The following MUC5AC variants were observed in gnomAD, a reference collection of about 807,000 sequenced individuals.
MUC5AC encodes the protein mucin-5AC.
MUC5AC carries 158 observed loss-of-function variants against 169.7 expected under a neutral mutation model. The observed-to-expected ratio is 0.93, with a 90% CI of 0.82 to 1.06. MUC5AC has a LOEUF of 1.06. Among genes scored for constraint, MUC5AC ranks in the 50% least tolerant of loss-of-function variants. The pLI is 0.00. For missense variants in MUC5AC, 4,359 were observed against 3,089.9 expected (o/e 1.41, Z -9.74); for synonymous variants, 1,975 against 1,237.0 (o/e 1.60, Z -12.52).
Position 1,178,541 on chromosome 11 carries a change from G to C in MUC5AC, c.3185G>C (p.Gly1062Ala). The C allele has an allele frequency of 7.4e-7, 1 of 1,351,770 alleles. No individual in the cohort carries two copies. Among genetic ancestry groups the C allele is most frequent in the Non-Finnish European group, 9.7e-7 (1 of 1,030,852 alleles). 83.7% of individuals were successfully genotyped at this position (1,351,770 alleles called of 1,614,324 possible). Residue 1062 changes from glycine (G) to alanine (A), a missense_variant, in exon 25 of 49, where the codon GGG becomes GCG. Transcript: ENST00000621226. ...GTGGTGGGGGACGTGCTGGAGTTTGGGAACAGCTGGAAGCTCTCCCCCTCC... is the reference window on the plus strand; with the variant it reads ...GTGGTGGGGGACGTGCTGGAGTTTGCGAACAGCTGGAAGCTCTCCCCCTCC... ...RSVVGDVLEF[G>A]NSWKLSPSCP...
Position 1,180,266 on chromosome 11 carries a change from G to T in MUC5AC, c.3614-88G>T. On this transcript the variant is annotated intron_variant, in intron 27 of 48. Transcript: ENST00000621226. ...AGCACATTCTGGTGCTGTCGGCGAGGCCCGCTGCTTGGGGGCTGGGCGGAG... is the reference window on the plus strand; with the variant it reads ...AGCACATTCTGGTGCTGTCGGCGAGTCCCGCTGCTTGGGGGCTGGGCGGAG... 1.0e-5 allele frequency: 4 copies of T among 398,646 alleles called. No homozygotes were observed. In the Admixed American group the frequency reaches 1.3e-4, roughly 13 times the overall value. 24.7% of individuals were successfully genotyped at this position (398,646 alleles called of 1,614,324 possible).
intron 25 of MUC5AC, among the ~76,000 whole-genome samples, 183 bp from the exon 26 acceptor site, chr11:1,178,909 C>A (rs1000186805): frequency 3.3e-5 from 5 of 152,152 alleles, no homozygotes; most frequent in African/African-American, 9.7e-5. Flanking sequence ...CAAGGGCTGC[C>A]GAGGAAGCCC....
chr11:1,165,235 G>T (rs1023825240), intron 9 of MUC5AC, 67 bp from the exon 10 acceptor site: 1 of 1,452,420 alleles, frequency 6.9e-7, no homozygotes, highest in Admixed American at 1.9e-5. Context: ...CCGCCATGTT[G>T]TTCCCCTGCA....
intron 7 of MUC5AC, 21 bp downstream of exon 7, chr11:1,164,012 A>G (rs1860227922): frequency 6.2e-7 from 1 of 1,608,624 alleles, no homozygotes; most frequent in African/African-American, 1.3e-5. Flanking sequence ...GAGGGAACAG[A>G]GGGCCCAGCA....
In MUC5AC at chr11:1,188,407, G is replaced by T; in HGVS notation, c.10262G>T (p.Ser3421Ile). The T allele has an allele frequency of 1.6e-6, 1 of 630,604 alleles. No individual in the cohort carries two copies. Among genetic ancestry groups the T allele is most frequent in the Non-Finnish European group, 2.9e-6 (1 of 340,244 alleles). 39.1% of individuals were successfully genotyped at this position (630,604 alleles called of 1,614,324 possible). A position where few individuals can be genotyped will look rare whatever the true frequency, so the allele number is the denominator to read the frequency against. Residue 3421 changes from serine to isoleucine, a missense_variant, in exon 31 of 49, where the codon AGC (serine) becomes ATC (isoleucine). Ser to Ile is a moderately radical substitution (Grantham distance 142). Transcript: ENST00000621226. Reference sequence around the variant, plus strand: ...AGCACAACCTCGGCTCCTACAAGCAGCACAATCTCTGCTCGTACAACCAGC... The same window carrying T: ...AGCACAACCTCGGCTCCTACAAGCATCACAATCTCTGCTCGTACAACCAGC... ...TSSTTSAPTS[S>I]TISARTTSII...
At position 1,197,904 on chromosome 11, in the gene MUC5AC, C is replaced by T. The variant is rs1244558262; in HGVS notation, c.16035C>T (p.Ala5345=). ...ATTGCCTCACTCCCGCCCCCGCAGC[C>T]TGCAACACCAGCCGCTGCCCCGCGC... ...AGQCCPQYSC[A]CNTSRCPAPV... Residue 5345 remains alanine (A), a splice_region_variant and synonymous_variant, in exon 42 of 49, where the codon GCC becomes GCT. Transcript: ENST00000621226. 1.4e-6 allele frequency: 1 copy of T among 720,084 alleles called. No individual in the cohort carries two copies. Among genetic ancestry groups the T allele is most frequent in the Non-Finnish European group, 2.5e-6 (1 of 396,554 alleles). The allele number at this position is 720,084 out of a possible 1,614,324, so 44.6% of individuals were successfully genotyped here.
intron 1 of MUC5AC, among the ~76,000 whole-genome samples, chr11:1,158,273 C>T (rs1017754030): frequency 6.6e-6 from 1 of 152,228 alleles, no homozygotes; most frequent in Non-Finnish European, 1.5e-5. Context: ...CTGGGCTTCG[C>T]GGACCTCTGA....
chr11:1,178,370 C>T lies in MUC5AC; in HGVS notation c.3088-74C>T, dbSNP rs878903589. 6.1e-4 allele frequency: 254 copies of T among 413,086 alleles called. 1 individual carries two copies. Among genetic ancestry groups the T allele is most frequent in the Middle Eastern group, 1.4e-3 (3 of 2,178 alleles). The allele number at this position is 413,086 out of a possible 1,614,324, so 25.6% of individuals were successfully genotyped here. A position where few individuals can be genotyped will look rare whatever the true frequency, so the allele number is the denominator to read the frequency against. On this transcript the variant is annotated intron_variant, in intron 24 of 48. Coordinates refer to ENST00000621226, the MANE Select transcript of MUC5AC (RefSeq NM_001304359.2). ...CAGGGTGGCCCTGGGTGGGAGGAGG[C>T]GGCCTAGGGGCAGGGTGGCTCTGGC...
intron 1 of MUC5AC, among the ~76,000 whole-genome samples, chr11:1,159,618 GTCTGGTCCCACCATGCTGGCT>G (rs1860073076): frequency 8.4e-6 from 1 of 119,264 alleles, no homozygotes; most frequent in Non-Finnish European, 1.7e-5. Flanking sequence ...CGGGGCTGGG[GTCTGGTCCCACCATGCTGGCT>G]CTGTGCAGGG....
At position 1,190,525 on chromosome 11, in the gene MUC5AC, C is replaced by T; in HGVS notation, c.12380C>T (p.Thr4127Ile). The T allele has an allele frequency of 1.6e-6, 1 of 625,844 alleles. No individual in the cohort carries two copies. The allele number at this position is 625,844 out of a possible 1,614,324, so 38.8% of individuals were successfully genotyped here. The change falls in exon 31 of 49, where the codon ACC (threonine) becomes ATC (isoleucine). Residue 4127 changes from threonine (T) to isoleucine (I), a missense_variant. Physicochemically the swap from Thr to Ile is moderately conservative, Grantham distance 89 (BLOSUM62 -1). Transcript: ENST00000621226. ...CCCAGCACAACCTCTGCCCCTACAA[C>T]CAGCACAACCTCTGCCCCTACAACC... Reference protein sequence around the residue: ...STPSTTSAPTTSTTSAPTTST... With the variant: ...STPSTTSAPTISTTSAPTTST...
At chr11:1,172,853 C>T (rs1860580413) in intron 16 of MUC5AC, among the ~76,000 whole-genome samples, 1 of 150,884 alleles carries the variant, frequency 6.6e-6, no homozygotes, top group African/African-American at 2.4e-5. Flanking sequence ...CACTCATCCA[C>T]CCATTCACCC....
chr11:1,158,836 C>T (rs551716157), intron 1 of MUC5AC, among the ~76,000 whole-genome samples: 12 of 152,306 alleles, frequency 7.9e-5, no homozygotes, highest in South Asian at 4.1e-4. Context: ...CCAGGTCCCT[C>T]GCCCAGCCCT....
chr11:1,185,809 G>A lies in MUC5AC; in HGVS notation c.7664G>A (p.Ser2555Asn). The A allele has an allele frequency of 1.3e-6, 1 of 745,530 alleles. No individual in the cohort carries two copies. The highest frequency in any genetic ancestry group is 2.4e-6 in the Non-Finnish European group (1 of 408,590). The allele number at this position is 745,530 out of a possible 1,614,324, so 46.2% of individuals were successfully genotyped here. Reference protein sequence around the residue: ...TTSTTSAPISSTTSATTTSTT... With the variant: ...TTSTTSAPISNTTSATTTSTT... Reference sequence around the variant, plus strand: ...AGCACAACCTCTGCCCCTATAAGCAGCACAACCTCTGCCACTACAACCAGC... The same window carrying A: ...AGCACAACCTCTGCCCCTATAAGCAACACAACCTCTGCCACTACAACCAGC... The change falls in exon 31 of 49, where the codon AGC becomes AAC. Residue 2555 changes from serine (S) to asparagine (N), a missense_variant. Physicochemically the swap from Ser to Asn is conservative, Grantham distance 46. Transcript: ENST00000621226.
chr11:1,197,436 C>T (rs766192789), intron 40 of MUC5AC, 32 bp from the exon 41 acceptor site: 28 of 699,680 alleles, frequency 4.0e-5, no homozygotes, highest in Admixed American at 2.0e-4. Flanking sequence ...GGAGCCGCTG[C>T]GGACGCTGGA....
At chr11:1,199,312 G>GCAGACAGAGGGA (rs1861362946) in intron 45 of MUC5AC, 59 bp from the exon 46 acceptor site, 1 of 698,934 alleles carries the variant, frequency 1.4e-6, no homozygotes, top group Non-Finnish European at 2.6e-6. Context: ...GGGCTGGGGT[G>GCAGACAGAGGGA]CAGACAGAGG....
intron 36 of MUC5AC, 113 bp from the exon 37 acceptor site, chr11:1,195,763 G>T: frequency 1.6e-6 from 1 of 623,654 alleles, no homozygotes; most frequent in Non-Finnish European, 2.9e-6. Flanking sequence ...CACACCAGTG[G>T]CTGCTCTGGG....
chr11:1,177,702 G>T (rs1860720776), intron 24 of MUC5AC, 69 bp downstream of exon 24: 1 of 398,406 alleles, frequency 2.5e-6, no homozygotes, highest in Non-Finnish European at 4.4e-6. Context: ...TGGAACAGGT[G>T]GGCAGAGACG....
chr11:1,180,311 C>T (rs1300553962), intron 27 of MUC5AC, 43 bp from the exon 28 acceptor site: 11 of 398,640 alleles, frequency 2.8e-5, no homozygotes, highest in Admixed American at 2.2e-4. Flanking sequence ...GCGAGGTGGA[C>T]GACACTCGGT....
intron 1 of MUC5AC, among the ~76,000 whole-genome samples, chr11:1,159,554 TGTGCGGGGCTGTGC>T (rs1860068232): frequency 0.22 from 6,466 of 28,872 alleles, 2,643 homozygotes; most frequent in African/African-American, 0.25. Flanking sequence ...TGTGCGGGGC[TGTGCGGGGCTGTGC>T]GGGGCTGTGC....
Sources: allele counts gnomAD v4.1 joint callset (sites outside exome capture counted in the v4.1 genomes callset), GRCh38; gene constraint gnomAD v4.1.1; transcripts MANE v1.5; gene names NCBI Gene and HGNC (gene_info 2026-07-23, HGNC 2026-07-21).